ABCC8: variants seen among roughly 807,000 people sequenced by gnomAD.
ABCC8 encodes the protein ATP-binding cassette sub-family C member 8.
Under a neutral mutation model 188.0 loss-of-function variants are expected in ABCC8, and 137 were observed. The ratio of observed to expected loss-of-function variants is 0.73; its 90% confidence interval spans 0.63 to 0.84. The LOEUF is 0.84. Among genes scored for constraint, ABCC8 ranks in the 40% least tolerant of loss-of-function variants. The pLI is 0.00. For missense variants in ABCC8, 1,750 were observed against 2,072.7 expected, an observed-to-expected ratio of 0.84 and a Z score of 3.02; for synonymous variants, 797 against 846.5, an observed-to-expected ratio of 0.94 and a Z score of 1.01.
At position 17,432,194 on chromosome 11, in the gene ABCC8, A is replaced by G. The variant is rs1955879560; in HGVS notation, c.1671+10T>C. 1 of 1,552,518 alleles carries G rather than the reference A, an allele frequency of 6.4e-7. No individual in the cohort carries two copies. The highest frequency in any genetic ancestry group is 8.7e-7 in the Non-Finnish European group (1 of 1,147,368). On this transcript the variant is annotated intron_variant, in intron 11 of 38. Coordinates refer to ENST00000389817, the MANE Select transcript of ABCC8 (RefSeq NM_000352.6). ...CCTACCCCCAAGAGATGGAGAAAGG[A>G]TCCACTTACTATGAGGACAGCTGCA...
chr11:17,396,534 C>T (rs1953936303), intron 33 of ABCC8: 1 of 319,010 alleles, frequency 3.1e-6, no homozygotes, highest in East Asian at 7.9e-5. Flanking sequence ...GGCAGGGGCT[C>T]ACCCTCAATA....
intron 2 of ABCC8, among the ~76,000 whole-genome samples, chr11:17,471,818 A>C (rs576386109): frequency 1.3e-5 from 2 of 152,344 alleles, no homozygotes; most frequent in South Asian, 4.1e-4. Flanking sequence ...GCATCAAACC[A>C]ACTTGAAAAG....
intron 16 of ABCC8, among the ~76,000 whole-genome samples, chr11:17,419,442 G>A (rs944516870): frequency 1.3e-5 from 2 of 152,196 alleles, no homozygotes; most frequent in African/African-American, 2.4e-5. Context: ...GAAGTTATAA[G>A]GGTCAAAAGA....
At chr11:17,452,004 A>G (rs970707107) in intron 7 of ABCC8, among the ~76,000 whole-genome samples, 1 of 152,254 alleles carries the variant, frequency 6.6e-6, no homozygotes, top group African/African-American at 2.4e-5. Flanking sequence ...GCAGAGCAAC[A>G]TGACAGAAGA....
chr11:17,449,528 C>T (rs749233024), intron 7 of ABCC8, among the ~76,000 whole-genome samples: 6 of 152,200 alleles, frequency 3.9e-5, no homozygotes, highest in Non-Finnish European at 8.8e-5. Flanking sequence ...ACAGGGCAGA[C>T]AGAGAGCAGC....
chr11:17,393,088 A>T lies in ABCC8; in HGVS notation c.4649T>A (p.Val1550Asp), dbSNP rs1221760584. 1.2e-6 allele frequency: 2 copies of T among 1,613,916 alleles called. No individual in the cohort carries two copies. The change falls in exon 39 of 39, where the codon GTC becomes GAC. Residue 1550 changes from valine (V) to aspartate (D), a missense_variant. Coordinates refer to ENST00000389817, the MANE Select transcript of ABCC8 (RefSeq NM_000352.6). ...HTILSADLVIVLKRGAILEFD... is the reference protein window; with the variant it reads ...HTILSADLVIDLKRGAILEFD... Reference sequence around the variant, plus strand: ...CTCAAGGATGGCACCCCGCTTCAGGACGATCACCAGGTCTGCACTCAGGAT... The same window carrying T: ...CTCAAGGATGGCACCCCGCTTCAGGTCGATCACCAGGTCTGCACTCAGGAT...
At chr11:17,434,215 G>A (rs1955977595) in intron 10 of ABCC8, among the ~76,000 whole-genome samples, 2 of 152,164 alleles carry the variant, frequency 1.3e-5, no homozygotes, top group South Asian at 4.1e-4. Context: ...CAATAAGGAG[G>A]GGTCCTGTGC....
intron 10 of ABCC8, among the ~76,000 whole-genome samples, chr11:17,435,368 A>T (rs1194920015): frequency 1.3e-5 from 2 of 152,136 alleles, no homozygotes; most frequent in Non-Finnish European, 2.9e-5. Flanking sequence ...CCAAAAGCTG[A>T]CCCTCAGCAC....
intron 26 of ABCC8, 83 bp from the exon 27 acceptor site, chr11:17,405,646 T>C (rs769098655): frequency 1.5e-4 from 245 of 1,607,264 alleles, no homozygotes; most frequent in Non-Finnish European, 2.0e-4. Context: ...AATTATTTCA[T>C]GTAAGTGTCT....
At chr11:17,442,680 C>A in intron 10 of ABCC8, 40 bp downstream of exon 10, 2 of 1,601,096 alleles carry the variant, frequency 1.2e-6, no homozygotes, top group South Asian at 1.1e-5. Flanking sequence ...CTTGCATGTA[C>A]GCAGCAGCAC....
intron 12 of ABCC8, 63 bp downstream of exon 12, chr11:17,430,751 G>A: frequency 6.4e-7 from 1 of 1,561,762 alleles, no homozygotes; most frequent in Non-Finnish European, 8.8e-7. Flanking sequence ...CATCACTCGA[G>A]CAAGCCTTGA....
At chr11:17,428,976 T>C (rs1955724564) in intron 12 of ABCC8, 1 of 480,994 alleles carries the variant, frequency 2.1e-6, no homozygotes, top group Non-Finnish European at 3.8e-6. Flanking sequence ...TGGTGTTGGA[T>C]TGGTCAGGGT....
chr11:17,427,006 AG>A lies in ABCC8; in HGVS notation c.2222+42del. 1.2e-6 allele frequency: 2 copies of A among 1,607,602 alleles called. No homozygotes were observed. The highest frequency in any genetic ancestry group is 1.7e-6 in the Non-Finnish European group (2 of 1,176,058). On this transcript the variant is annotated intron_variant, in intron 16 of 38. Coordinates refer to ENST00000389817, the MANE Select transcript of ABCC8 (RefSeq NM_000352.6). The surrounding 1 kb of genome is among the most constrained non-coding windows in gnomAD (Gnocchi z 5.0). ...TCCTCAACTGAGGAGGATGGTTAAA[AG>A]GAGATTTCCCCTCCACTGGGCCCTG...
At position 17,393,112 on chromosome 11, in the gene ABCC8, A is replaced by G; in HGVS notation, c.4625T>C (p.Ile1542Thr). The G allele has an allele frequency of 6.7e-7, 1 of 1,493,092 alleles. No individual in the cohort carries two copies. Among genetic ancestry groups the G allele is most frequent in the Non-Finnish European group, 9.1e-7 (1 of 1,098,158 alleles). 92.5% of individuals were successfully genotyped at this position (1,493,092 alleles called of 1,614,324 possible). A position where few individuals can be genotyped will look rare whatever the true frequency, so the allele number is the denominator to read the frequency against. ...VVTIAHRVHT[I>T]LSADLVIVLK... ...GACGATCACCAGGTCTGCACTCAGG[A>G]TGGTGTGCACTCGATGCTGGGCAGG... The change falls in exon 39 of 39, where the codon ATC (isoleucine) becomes ACC (threonine). Residue 1542 changes from isoleucine to threonine, a missense_variant. Physicochemically the swap from Ile to Thr is moderately conservative, Grantham distance 89 (BLOSUM62 -1). Transcript: ENST00000389817.
chr11:17,399,104 A>T (rs761825230), intron 29 of ABCC8: 2 of 154,990 alleles, frequency 1.3e-5, no homozygotes. Context: ...TTCTGTCTCT[A>T]CTAATAATAC....
intron 34 of ABCC8, 47 bp downstream of exon 34, chr11:17,395,805 C>T (rs995188026): frequency 9.0e-6 from 14 of 1,555,888 alleles, no homozygotes; most frequent in African/African-American, 1.4e-5. Context: ...GCTGAGGCCT[C>T]ATCTGGTGGC....
intron 7 of ABCC8, among the ~76,000 whole-genome samples, chr11:17,450,652 C>T (rs1956778242): frequency 6.9e-6 from 1 of 145,704 alleles, no homozygotes; most frequent in Non-Finnish European, 1.5e-5. Context: ...CCGCCTTGGC[C>T]TCCCAAAGTG....
chr11:17,399,023 C>A (rs1327560079), intron 29 of ABCC8: 1 of 161,764 alleles, frequency 6.2e-6, no homozygotes, highest in Non-Finnish European at 1.4e-5. Flanking sequence ...AATCCCAGCA[C>A]TTTGGGAGGC....
At chr11:17,436,211 A>G in intron 10 of ABCC8, 1 of 657,602 alleles carries the variant, frequency 1.5e-6, no homozygotes, top group Admixed American at 2.2e-5. Context: ...GGAAGTGACC[A>G]GCTACTTGTG....
Sources: gnomAD v4.1 joint callset for allele counts (sites outside exome capture counted in the v4.1 genomes callset) on GRCh38, gnomAD v4.1.1 for gene constraint, Gnocchi (gnomAD v3.1) non-coding constraint, MANE v1.5 for transcripts, NCBI Gene and HGNC (gene_info 2026-07-23, HGNC 2026-07-21) for gene names.